The following KCNIP1 variants were observed in gnomAD, a reference collection of about 807,000 sequenced individuals.
The protein encoded by KCNIP1 is potassium voltage-gated channel interacting protein 1.
Under a neutral mutation model 33.0 loss-of-function variants are expected in KCNIP1, and 18 were observed. That is an observed-to-expected ratio of 0.55 (90% CI 0.38 to 0.81). The LOEUF is 0.81. Among genes scored for constraint, KCNIP1 ranks in the 30% least tolerant of loss-of-function variants. The pLI is 0.00. For synonymous variants in KCNIP1, 93 were observed against 98.3 expected, an observed-to-expected ratio of 0.95 and a Z score of 0.32; for missense variants, 238 against 271.6, an observed-to-expected ratio of 0.88 and a Z score of 0.87.
rs77230299 is a variant in KCNIP1, at chr5:170,580,473, C to T, written c.61+75840C>T. The stretch of plus-strand genomic sequence containing the variant: ...AAGAAGTCTTTTGTGCAAGGTCATG[C>T]AGAGTTGAGGCCCCCAAGTCGGTAG... On this transcript the variant is annotated intron_variant, in intron 1 of 7. Transcript: ENST00000328939. Among the ~76,000 whole-genome samples the T allele has an allele frequency of 3.9e-3, 598 of 152,294 alleles. 6 individuals carry two copies. Among genetic ancestry groups the T allele is most frequent in the African/African-American group, 0.014 (571 of 41,570 alleles).
intron 1 of KCNIP1, among the ~76,000 whole-genome samples, chr5:170,711,575 C>T (rs999145350): frequency 1.3e-5 from 2 of 152,172 alleles, no homozygotes; most frequent in African/African-American, 4.8e-5. Flanking sequence ...TTAATATCTA[C>T]ATATCAATAC....
At position 170,701,488 on chromosome 5, in the gene KCNIP1, C is replaced by T. The variant is rs1409103563; in HGVS notation, c.62-17270C>T. 2.0e-5 allele frequency among the ~76,000 whole-genome samples: 3 copies of T among 152,190 alleles called. No individual in the cohort carries two copies. The East Asian group carries it at 5.8e-4, about 29-fold the overall frequency. Reference sequence around the variant, plus strand: ...CTCGTCAGACTAAACAGCCTCAGAGCCCTGTGACCTGCTAATGTATTCACA... The same window carrying T: ...CTCGTCAGACTAAACAGCCTCAGAGTCCTGTGACCTGCTAATGTATTCACA... On this transcript the variant is annotated intron_variant, in intron 1 of 7. Transcript: ENST00000328939.
chr5:170,578,956 C>A (rs779973160), intron 1 of KCNIP1, among the ~76,000 whole-genome samples: 23 of 152,074 alleles, frequency 1.5e-4, no homozygotes, highest in Non-Finnish European at 3.1e-4. Flanking sequence ...GCTTGAGGGA[C>A]AGAAAGAAAG....
intron 1 of KCNIP1, among the ~76,000 whole-genome samples, chr5:170,491,420 C>T (rs1412095603): frequency 6.6e-6 from 1 of 152,164 alleles, no homozygotes; most frequent in Non-Finnish European, 1.5e-5. Flanking sequence ...TACTGAAGGC[C>T]TCAGGCTACT....
At chr5:170,542,799 C>T (rs544872680) in intron 1 of KCNIP1, among the ~76,000 whole-genome samples, 1 of 152,204 alleles carries the variant, frequency 6.6e-6, no homozygotes, top group Non-Finnish European at 1.5e-5. Flanking sequence ...GCATCTCTCT[C>T]GTTCACTCGC....
At chr5:170,420,006 G>A (rs536371813) in intron 1 of KCNIP1, among the ~76,000 whole-genome samples, 8 of 152,188 alleles carry the variant, frequency 5.3e-5, no homozygotes, top group East Asian at 3.9e-4. Context: ...ACCCTTCCCC[G>A]CCCACTGTTT....
intron 1 of KCNIP1, among the ~76,000 whole-genome samples, chr5:170,694,228 T>G (rs183383943): frequency 2.6e-4 from 39 of 152,334 alleles, no homozygotes; most frequent in African/African-American, 9.4e-4. Flanking sequence ...ACATTTTGGC[T>G]TACAATTTTG....
chr5:170,532,970 G>A (rs1429104118), intron 1 of KCNIP1, among the ~76,000 whole-genome samples: 1 of 152,202 alleles, frequency 6.6e-6, no homozygotes, highest in Non-Finnish European at 1.5e-5. Flanking sequence ...CGGATCTGTT[G>A]TGCTTTCCAG....
chr5:170,692,758 A>G (rs1322953186), intron 1 of KCNIP1, among the ~76,000 whole-genome samples: 1 of 152,188 alleles, frequency 6.6e-6, no homozygotes, highest in African/African-American at 2.4e-5. Context: ...CTTTCTGAAA[A>G]TCTGAATATG....
chr5:170,427,518 C>G (rs1306925146), intron 1 of KCNIP1, among the ~76,000 whole-genome samples: 1 of 152,196 alleles, frequency 6.6e-6, no homozygotes. Context: ...AGTGGTAGGA[C>G]TAGGCCCTGA....
chr5:170,627,316 C>T (rs1467491369), intron 1 of KCNIP1, among the ~76,000 whole-genome samples: 1 of 152,220 alleles, frequency 6.6e-6, no homozygotes, highest in Non-Finnish European at 1.5e-5. Flanking sequence ...AGAGTTCCCT[C>T]TGCATCTTGG....
At chr5:170,372,723 A>G (rs552529936) in intron 1 of KCNIP1, among the ~76,000 whole-genome samples, 1 of 152,346 alleles carries the variant, frequency 6.6e-6, no homozygotes, top group East Asian at 1.9e-4. Context: ...CACTTGGAGA[A>G]CAAGTGTTTG....
intron 1 of KCNIP1, among the ~76,000 whole-genome samples, chr5:170,357,787 A>C (rs1016529259): frequency 2.0e-5 from 3 of 152,216 alleles, no homozygotes; most frequent in Non-Finnish European, 2.9e-5. Context: ...TTGGGCTCCC[A>C]AAGTGCTGGG....
At chr5:170,519,225 G>C (rs914484900) in intron 1 of KCNIP1, among the ~76,000 whole-genome samples, 11 of 152,176 alleles carry the variant, frequency 7.2e-5, no homozygotes, top group African/African-American at 2.7e-4. Flanking sequence ...AATAATGATA[G>C]ACTAGAGACT....
rs554234554 is a variant in KCNIP1 at position 170,490,491 on chromosome 5, G to T, written c.88+136527G>T. 2.4e-4 allele frequency among the ~76,000 whole-genome samples: 37 copies of T among 152,296 alleles called. No homozygotes were observed. The South Asian group carries it at 7.5e-3, about 31-fold the overall frequency. ...CACACATACACACACCCATAAGAGT[G>T]CATATAAAACTGGTTAGATCCAAGC... On this transcript the variant is annotated intron_variant, in intron 1 of 7. Coordinates refer to the KCNIP1 transcript ENST00000377360.
chr5:170,667,738 C>T (rs902314953), intron 1 of KCNIP1, among the ~76,000 whole-genome samples: 1 of 152,180 alleles, frequency 6.6e-6, no homozygotes. Flanking sequence ...ATTGACTATC[C>T]CATAAGGTTG....
intron 1 of KCNIP1, among the ~76,000 whole-genome samples, chr5:170,646,424 A>C (rs926874380): frequency 6.6e-6 from 1 of 152,198 alleles, no homozygotes; most frequent in African/African-American, 2.4e-5. Context: ...CAGTTATGCA[A>C]GGCTGGTCCA....
chr5:170,386,879 C>T (rs915406698), intron 1 of KCNIP1, among the ~76,000 whole-genome samples: 2 of 151,904 alleles, frequency 1.3e-5, no homozygotes, highest in Non-Finnish European at 2.9e-5. Flanking sequence ...TTGTTTTTCC[C>T]CTGGACATTG....
chr5:170,431,577 A>G (rs1755740980), intron 1 of KCNIP1, among the ~76,000 whole-genome samples: 1 of 152,200 alleles, frequency 6.6e-6, no homozygotes, highest in Non-Finnish European at 1.5e-5. Context: ...TCAAGCTGTC[A>G]CCTGGTGGGA....
Sources: gnomAD v4.1 joint callset for allele counts (sites outside exome capture counted in the v4.1 genomes callset) on GRCh38, gnomAD v4.1.1 for gene constraint, MANE v1.5 for transcripts, NCBI Gene and HGNC (gene_info 2026-07-23, HGNC 2026-07-21) for gene names.